The following WDTC1 variants were observed in gnomAD, a reference collection of about 807,000 sequenced individuals.
WDTC1 encodes WD and tetratricopeptide repeats protein 1.
A neutral mutation model predicts 76.0 loss-of-function variants in WDTC1; 12 were observed. The ratio of observed to expected loss-of-function variants is 0.16; its 90% CI spans 0.10 to 0.26. WDTC1 has a LOEUF of 0.26. WDTC1 is among the 10% of genes least tolerant of loss of function. The pLI, the probability that WDTC1 is intolerant of heterozygous loss-of-function variation, is 1.00. For synonymous variants in WDTC1, 326 were observed against 350.8 expected, an observed-to-expected ratio of 0.93 and a Z score of 0.79; for missense variants, 511 against 908.8, an observed-to-expected ratio of 0.56 and a Z score of 5.63.
chr1:27,247,081 G>C (rs1391046990), intron 1 of WDTC1, among the ~76,000 whole-genome samples: 2 of 151,564 alleles, frequency 1.3e-5, no homozygotes, highest in Admixed American at 1.3e-4. Flanking sequence ...TTTTGAGACA[G>C]AGTCTCCCTC....
chr1:27,266,003 C>T (rs1460516641), intron 3 of WDTC1, among the ~76,000 whole-genome samples: 3 of 152,002 alleles, frequency 2.0e-5, no homozygotes, highest in Non-Finnish European at 4.4e-5. Context: ...AGATATCACC[C>T]ATATAAACAA....
chr1:27,299,824 T>C (rs1488407220), intron 12 of WDTC1, among the ~76,000 whole-genome samples: 1 of 152,124 alleles, frequency 6.6e-6, no homozygotes, highest in Non-Finnish European at 1.5e-5. Flanking sequence ...GGGGCCAGCC[T>C]GCTCTCTACC....
intron 1 of WDTC1, among the ~76,000 whole-genome samples, chr1:27,260,043 A>G (rs946678498): frequency 5.3e-5 from 8 of 152,050 alleles, no homozygotes; most frequent in African/African-American, 1.7e-4. Context: ...TCTCAGGAAA[A>G]AAAGAGTAGT....
intron 1 of WDTC1, among the ~76,000 whole-genome samples, chr1:27,245,736 A>G (rs1481647660): frequency 2.0e-5 from 3 of 151,200 alleles, no homozygotes; most frequent in Non-Finnish European, 1.5e-5. Flanking sequence ...TGCACAGCTA[A>G]TTTCTGTATT....
chr1:27,276,128 G>A (rs754891822), intron 3 of WDTC1, among the ~76,000 whole-genome samples: 20 of 152,168 alleles, frequency 1.3e-4, no homozygotes, highest in Admixed American at 4.6e-4. Flanking sequence ...TTCATCAGTT[G>A]GTGGAACATG....
rs1451989727 is a variant in WDTC1 at position 27,305,263 on chromosome 1, G to A, written c.1836+70G>A. ...GAAGGCTCCAGTGGAGCCTGCTAGC[G>A]CAGGGAAGAGAAATGAGCCACCCAG... On this transcript the variant is annotated intron_variant, in intron 15 of 15. Transcript: ENST00000319394. This position sits in a 1 kb window ranked among gnomAD's most constrained non-coding sequence, Gnocchi z 4.6. The A allele has an allele frequency of 2.9e-5, 44 of 1,524,546 alleles. 1 individual carries two copies. Among genetic ancestry groups the A allele is most frequent in the East Asian group, 9.3e-5 (4 of 42,814 alleles). 94.4% of individuals were successfully genotyped at this position (1,524,546 alleles called of 1,614,324 possible).
At chr1:27,260,541 C>T (rs1046403218) in intron 1 of WDTC1, among the ~76,000 whole-genome samples, 2 of 152,096 alleles carry the variant, frequency 1.3e-5, no homozygotes, top group African/African-American at 4.8e-5. Context: ...GATTTGGTTT[C>T]GGGGAGAGCC....
At chr1:27,258,881 G>T (rs896166513) in intron 1 of WDTC1, among the ~76,000 whole-genome samples, 9 of 152,198 alleles carry the variant, frequency 5.9e-5, no homozygotes, top group African/African-American at 1.4e-4. Context: ...TGACTGGCAG[G>T]GTTGGCAGAG....
At chr1:27,275,310 T>C (rs1298649416) in intron 3 of WDTC1, among the ~76,000 whole-genome samples, 1 of 152,212 alleles carries the variant, frequency 6.6e-6, no homozygotes, top group African/African-American at 2.4e-5. Flanking sequence ...ATGGGCATAG[T>C]GTAACCTTAT....
intron 1 of WDTC1, among the ~76,000 whole-genome samples, chr1:27,240,642 C>T (rs2011603519): frequency 6.6e-6 from 1 of 152,096 alleles, no homozygotes; most frequent in Non-Finnish European, 1.5e-5. Flanking sequence ...CTGCTGACTC[C>T]TTGAAGGGCT....
intron 1 of WDTC1, among the ~76,000 whole-genome samples, chr1:27,244,082 G>A (rs2011725755): frequency 6.6e-6 from 1 of 151,960 alleles, no homozygotes; most frequent in Admixed American, 6.6e-5. Flanking sequence ...GGAGGCAGAG[G>A]TTGCAGTGAG....
At position 27,273,820 on chromosome 1, in the gene WDTC1, C is replaced by CGT. The variant is rs138243935; in HGVS notation, c.133-8399_133-8398dup. 8.0e-3 allele frequency among the ~76,000 whole-genome samples: 1,178 copies of CGT among 148,044 alleles called. 9 individuals are homozygous for CGT. The highest frequency in any genetic ancestry group is 0.02 in the African/African-American group (822 of 40,446). On this transcript the variant is annotated intron_variant, in intron 3 of 15. Transcript: ENST00000319394. ...GAAAAAAAGTACTAAGTACTTTACA[C>CGT]GTGTGTGTGTGTGTGTGTGTGCGTG...
Position 27,306,551 on chromosome 1 carries a change from G to C in WDTC1, c.*168G>C. 2 of 837,344 alleles carry C rather than the reference G, an allele frequency of 2.4e-6. No individual in the cohort carries two copies. Among genetic ancestry groups the C allele is most frequent in the Non-Finnish European group, 3.6e-6 (2 of 553,720 alleles). The allele number at this position is 837,344 out of a possible 1,614,324, so 51.9% of individuals were successfully genotyped here. A position where few individuals can be genotyped will look rare whatever the true frequency, so the allele number is the denominator to read the frequency against. ...GGGTGGAGGTTGCTACAACTTGCTG[G>C]CTTTCGGACTCTGGGCTGATTGTCC... On this transcript the variant is annotated 3_prime_UTR_variant, in exon 16 of 16. Coordinates refer to ENST00000319394, the MANE Select transcript of WDTC1 (RefSeq NM_001276252.2). This position sits in a 1 kb window ranked among gnomAD's most constrained non-coding sequence, Gnocchi z 5.0.
At chr1:27,255,298 TG>T (rs2012238588) in intron 1 of WDTC1, among the ~76,000 whole-genome samples, 1 of 152,202 alleles carries the variant, frequency 6.6e-6, no homozygotes, top group South Asian at 2.1e-4. Flanking sequence ...ATACCATAGT[TG>T]TCAAGAGAAT....
At chr1:27,266,493 G>T (rs932796832) in intron 3 of WDTC1, among the ~76,000 whole-genome samples, 1 of 152,198 alleles carries the variant, frequency 6.6e-6, no homozygotes, top group Admixed American at 6.5e-5. Context: ...TCTCTTAGGT[G>T]TAAGTCAGTT....
intron 5 of WDTC1, among the ~76,000 whole-genome samples, chr1:27,285,238 T>C (rs1401601071): frequency 2.0e-5 from 3 of 152,004 alleles, no homozygotes; most frequent in Non-Finnish European, 2.9e-5. Context: ...GGTTTCACCA[T>C]GTTGGCCAGG....
chr1:27,259,871 A>AT (rs1491488145), intron 1 of WDTC1, among the ~76,000 whole-genome samples: 1 of 150,718 alleles, frequency 6.6e-6, no homozygotes, highest in African/African-American at 2.4e-5. Flanking sequence ...AAAAAAAAAA[A>AT]GAGAGAAAAG....
intron 9 of WDTC1, among the ~76,000 whole-genome samples, 193 bp from the exon 10 acceptor site, chr1:27,296,133 G>A (rs2013676725): frequency 6.6e-6 from 1 of 152,116 alleles, no homozygotes; most frequent in South Asian, 2.1e-4. Flanking sequence ...AGCCCACCCT[G>A]AATGCTAGAG....
rs148374285 is a variant in WDTC1 at position 27,302,326 on chromosome 1, C to T, written c.1468+865C>T. The stretch of plus-strand genomic sequence containing the variant: ...AAAGTATGACAAGTGCCATGGGGAC[C>T]TGAATGGTGTGCATGCTGGGAGGGG... On this transcript the variant is annotated intron_variant, in intron 13 of 15. Coordinates refer to ENST00000319394, the MANE Select transcript of WDTC1 (RefSeq NM_001276252.2). Among the ~76,000 whole-genome samples, 241 of 151,702 alleles carry T rather than the reference C, an allele frequency of 1.6e-3. 2 individuals carry two copies. Among genetic ancestry groups the T allele is most frequent in the African/African-American group, 5.5e-3 (226 of 41,290 alleles).
Sources: gnomAD v4.1 joint callset for allele counts (sites outside exome capture counted in the v4.1 genomes callset) on GRCh38, gnomAD v4.1.1 for gene constraint, Gnocchi (gnomAD v3.1) non-coding constraint, MANE v1.5 for transcripts, NCBI Gene and HGNC (gene_info 2026-07-23, HGNC 2026-07-21) for gene names.